The following TNRC6B variants were observed in gnomAD, a reference collection of about 807,000 sequenced individuals.
TNRC6B encodes trinucleotide repeat containing adaptor 6B.
TNRC6B carries 52 observed loss-of-function variants against 203.6 expected under a neutral mutation model. That is an observed-to-expected ratio of 0.26 (90% CI 0.20 to 0.32). The LOEUF (loss-of-function observed/expected upper bound fraction) is 0.32, where lower values mean the gene tolerates loss of function less well. TNRC6B is among the 10% of genes least tolerant of loss of function. The pLI is 1.00. For missense variants in TNRC6B, 1,923 were observed against 2,286.2 expected (o/e 0.84, Z 3.24); for synonymous variants, 838 against 845.7 (o/e 0.99, Z 0.16).
chr22:40,170,962 CACAT>C (rs1215188166), intron 4 of TNRC6B, among the ~76,000 whole-genome samples: 1 of 145,070 alleles, frequency 6.9e-6, no homozygotes, highest in East Asian at 2.0e-4. Context: ...TATATATACA[CACAT>C]ATACCTGTAT....
chr22:40,313,074 G>A, intron 19 of TNRC6B, 77 bp downstream of exon 19: 1 of 1,148,646 alleles, frequency 8.7e-7, no homozygotes, highest in East Asian at 2.5e-5. Flanking sequence ...AAACTGGCAT[G>A]TATTTCATAA....
intron 3 of TNRC6B, among the ~76,000 whole-genome samples, chr22:40,133,303 A>G (rs1023947453): frequency 1.3e-5 from 2 of 151,882 alleles, no homozygotes; most frequent in Non-Finnish European, 2.9e-5. Flanking sequence ...TTTTATTGAG[A>G]TATTATCAAA....
chr22:40,132,969 A>AAAAAATATATATATATAT (rs1282694632), intron 3 of TNRC6B, among the ~76,000 whole-genome samples: 1 of 78,174 alleles, frequency 1.3e-5, no homozygotes, highest in South Asian at 6.2e-4. Context: ...AAAAAAAAAA[A>AAAAAATATATATATATAT]ATATATATAT....
At chr22:40,222,181 TTTGCGGTC>T (rs1196769701) in intron 1 of TNRC6B, among the ~76,000 whole-genome samples, 1 of 152,094 alleles carries the variant, frequency 6.6e-6, no homozygotes, top group Non-Finnish European at 1.5e-5. Context: ...TACTTACCCA[TTTGCGGTC>T]TATTGCTGAG....
rs2070474634 is a variant in TNRC6B, at chr22:40,266,059, G to A, written c.1829G>A (p.Arg610Gln). The A allele has an allele frequency of 6.8e-6, 11 of 1,613,670 alleles. No homozygotes were observed. Among genetic ancestry groups the A allele is most frequent in the Non-Finnish European group, 8.5e-6 (10 of 1,179,906 alleles). ...CQAVLQTLLS[R>Q]TDLDPRVLSN... ...GCTGTCTTGCAGACTCTTTTGAGCC[G>A]AACTGATTTGGACCCCAGGGTGCTC... Residue 610 changes from arginine to glutamine, a missense_variant, in exon 5 of 23, where the codon CGA (arginine) becomes CAA (glutamine). Arg to Gln is a conservative substitution (Grantham distance 43). Around this residue, in one of 8 missense-constraint regions of TNRC6B, gnomAD observed 38 missense variants for 70.3 expected, o/e 0.54. Transcript: ENST00000454349.
At chr22:40,088,019 T>A (rs1053041461) in intron 1 of TNRC6B, among the ~76,000 whole-genome samples, 8 of 152,328 alleles carry the variant, frequency 5.3e-5, no homozygotes, top group African/African-American at 1.4e-4. Context: ...GAAATATTTT[T>A]AAAATTATTC....
intron 1 of TNRC6B, among the ~76,000 whole-genome samples, chr22:40,244,880 A>G (rs2070084093): frequency 6.6e-6 from 1 of 152,192 alleles, no homozygotes; most frequent in African/African-American, 2.4e-5. Flanking sequence ...AGTTGACAGC[A>G]TTCCAATAAA....
At chr22:40,141,177 C>T (rs1024702125) in intron 3 of TNRC6B, among the ~76,000 whole-genome samples, 10 of 147,234 alleles carry the variant, frequency 6.8e-5, no homozygotes, top group African/African-American at 2.0e-4. Context: ...TAACTTCTTT[C>T]CATGGGTGGT....
intron 3 of TNRC6B, 132 bp downstream of exon 3, chr22:40,251,332 A>G (rs1434030769): frequency 1.6e-6 from 1 of 628,726 alleles, no homozygotes; most frequent in Non-Finnish European, 2.6e-6. Flanking sequence ...GTTTGCAGTC[A>G]CTGAGGAGCA....
At chr22:40,244,253 G>A (rs1475894134) in intron 1 of TNRC6B, among the ~76,000 whole-genome samples, 2 of 152,154 alleles carry the variant, frequency 1.3e-5, no homozygotes, top group Non-Finnish European at 2.9e-5. Flanking sequence ...TTTTCTCCGC[G>A]TGTTTCACAC....
At chr22:40,063,365 A>G (rs2067870264) in intron 1 of TNRC6B, among the ~76,000 whole-genome samples, 1 of 152,182 alleles carries the variant, frequency 6.6e-6, no homozygotes, top group African/African-American at 2.4e-5. Flanking sequence ...GAGTCCTCCA[A>G]CTTTGTTCTT....
chr22:40,322,873 A>G lies in TNRC6B; in HGVS notation c.5134A>G (p.Thr1712Ala). The change falls in exon 23 of 23, where the codon ACC becomes GCC. Residue 1712 changes from threonine to alanine, a missense_variant. Physicochemically the swap from Thr to Ala is moderately conservative, Grantham distance 58. Transcript: ENST00000454349. ...TTCCAGGTGTGTGTTGGGAAACACT[A>G]CCATCCTTGCTGAGTTTGCCACTGA... ...ALHMCVLGNT[T>A]ILAEFATDDE... is the part of the protein sequence containing the mutation. 1 of 1,613,820 alleles carries G rather than the reference A, an allele frequency of 6.2e-7. No homozygotes were observed. Among genetic ancestry groups the G allele is most frequent in the Non-Finnish European group, 8.5e-7 (1 of 1,179,874 alleles).
At chr22:40,158,175 T>G (rs2068835035) in intron 4 of TNRC6B, among the ~76,000 whole-genome samples, 1 of 151,542 alleles carries the variant, frequency 6.6e-6, no homozygotes, top group Non-Finnish European at 1.5e-5. Context: ...CTGTCTCTAG[T>G]AAAAAAATAC....
chr22:40,181,920 T>A (rs2069135308), intron 1 of TNRC6B, among the ~76,000 whole-genome samples: 1 of 135,506 alleles, frequency 7.4e-6, no homozygotes, highest in African/African-American at 2.9e-5. Flanking sequence ...CATTCCAGCC[T>A]AGGAAACAGC....
At chr22:40,057,716 A>T (rs904731163) in intron 1 of TNRC6B, among the ~76,000 whole-genome samples, 9 of 152,226 alleles carry the variant, frequency 5.9e-5, no homozygotes, top group African/African-American at 9.7e-5. Context: ...ATCAAGAGAA[A>T]TGTCTTGGGT....
At chr22:40,059,146 C>CT (rs2067826533) in intron 1 of TNRC6B, among the ~76,000 whole-genome samples, 1 of 152,176 alleles carries the variant, frequency 6.6e-6, no homozygotes, top group Non-Finnish European at 1.5e-5. Flanking sequence ...TCCCCATGCT[C>CT]TATAAAGGTT....
chr22:40,273,814 C>G (rs1242391989), intron 7 of TNRC6B, among the ~76,000 whole-genome samples: 1 of 152,066 alleles, frequency 6.6e-6, no homozygotes, highest in Non-Finnish European at 1.5e-5. Flanking sequence ...CCATGCCTGG[C>G]TAAATTTTGT....
rs201560227 is a variant in TNRC6B, at chr22:40,266,839, A to C, written c.2609A>C (p.Glu870Ala). 3.7e-4 allele frequency: 599 copies of C among 1,613,994 alleles called. No individual in the cohort carries two copies. Among genetic ancestry groups the C allele is most frequent in the Admixed American group, 1.3e-3 (80 of 60,026 alleles). Residue 870 changes from glutamate (E) to alanine (A), a missense_variant, in exon 5 of 23, where the codon GAG becomes GCG. Glu to Ala is a moderately radical substitution (Grantham distance 107). Transcript: ENST00000454349. ...SGPQPATPKDEEPSGWEEPSP... is the reference protein window; with the variant it reads ...SGPQPATPKDAEPSGWEEPSP... ...CCACAGCCTGCAACACCTAAGGATG[A>C]GGAACCCAGTGGTTGGGAAGAGCCA...
intron 1 of TNRC6B, among the ~76,000 whole-genome samples, chr22:40,116,728 A>C (rs976936787): frequency 7.9e-5 from 12 of 152,188 alleles, no homozygotes; most frequent in African/African-American, 2.7e-4. Context: ...TGACCTAAAC[A>C]CCTGGGTAGG....
Sources: gnomAD v4.1 joint callset for allele counts (sites outside exome capture counted in the v4.1 genomes callset) on GRCh38, gnomAD v4.1.1 for gene constraint, gnomAD v4.1.1 regional missense constraint, MANE v1.5 for transcripts, NCBI Gene and HGNC (gene_info 2026-07-23, HGNC 2026-07-21) for gene names.